The following DPP10 variants were observed in gnomAD, a reference collection of about 807,000 sequenced individuals.
DPP10 encodes the protein inactive dipeptidyl peptidase 10.
A neutral mutation model predicts 120.9 loss-of-function variants in DPP10; 33 were observed. The observed-to-expected ratio is 0.27, with a 90% confidence interval of 0.21 to 0.37. DPP10 has a LOEUF of 0.37. Among genes scored for constraint, DPP10 ranks in the 10% least tolerant of loss-of-function variants. DPP10 has a pLI of 1.00. For synonymous variants in DPP10, 337 were observed against 326.1 expected (o/e 1.03, Z -0.36); for missense variants, 816 against 942.8 (o/e 0.87, Z 1.76).
intron 1 of DPP10, among the ~76,000 whole-genome samples, chr2:115,028,671 A>G (rs1452117268): frequency 6.6e-6 from 1 of 151,940 alleles, no homozygotes; most frequent in African/African-American, 2.4e-5. Flanking sequence ...CCCTACTCTT[A>G]CTATACTGAA....
rs369476235 is a variant in DPP10 at position 114,442,796 on chromosome 2, C to T, written c.18C>T (p.Ser6=). 3.1e-6 allele frequency: 5 copies of T among 1,613,390 alleles called. No homozygotes were observed. The highest frequency in any genetic ancestry group is 4.2e-6 in the Non-Finnish European group (5 of 1,179,500). The change falls in exon 1 of 26, where the codon AGC becomes AGT. Residue 6 remains serine, a synonymous_variant. Coordinates refer to ENST00000410059, the MANE Select transcript of DPP10 (RefSeq NM_020868.6). MNQTA[S]VSHHIKCQPS... ...CCTGAAACATGAACCAAACTGCCAG[C>T]GTGTCCCATCACATCAAGTGTCAAC... is the stretch of plus-strand genomic sequence containing the variant.
chr2:114,830,093 G>A (rs770238858), intron 1 of DPP10, among the ~76,000 whole-genome samples: 1 of 152,018 alleles, frequency 6.6e-6, no homozygotes, highest in Non-Finnish European at 1.5e-5. Flanking sequence ...ACCCTAAGTA[G>A]GTAGGTCTCT....
chr2:115,728,439 T>A (rs1443124490), intron 8 of DPP10, among the ~76,000 whole-genome samples: 1 of 152,106 alleles, frequency 6.6e-6, no homozygotes, highest in Non-Finnish European at 1.5e-5. Flanking sequence ...CAAGTTTTAG[T>A]AATAGCTGAG....
chr2:115,170,761 T>A (rs2053259184), intron 1 of DPP10, among the ~76,000 whole-genome samples: 1 of 152,180 alleles, frequency 6.6e-6, no homozygotes. Context: ...GTGATAGGCA[T>A]GTGTGAATTG....
At chr2:114,443,529 C>A (rs1265975307) in intron 1 of DPP10, among the ~76,000 whole-genome samples, 11 of 151,972 alleles carry the variant, frequency 7.2e-5, no homozygotes, top group Admixed American at 6.6e-4. Context: ...ATGCTTATAC[C>A]ATTCTCTTTG....
chr2:115,586,717 A>G (rs896859699), intron 5 of DPP10, among the ~76,000 whole-genome samples: 12 of 152,072 alleles, frequency 7.9e-5, no homozygotes, highest in African/African-American at 2.7e-4. Flanking sequence ...CTTGTTTGCC[A>G]ATCCTATTAT....
chr2:115,472,063 A>G (rs1712001), intron 3 of DPP10, among the ~76,000 whole-genome samples: 144,271 of 152,210 alleles, frequency 0.95, 68,495 homozygotes, highest in East Asian at 1. Flanking sequence ...AAATAAAAAA[A>G]CATTCCTTGA....
intron 1 of DPP10, among the ~76,000 whole-genome samples, chr2:114,822,666 C>A (rs184096076): frequency 5.3e-5 from 8 of 151,714 alleles, no homozygotes; most frequent in East Asian, 1.9e-4. Context: ...TGTGCAAGTT[C>A]GTTACATATG....
chr2:115,229,110 G>T (rs1053591907), intron 1 of DPP10, among the ~76,000 whole-genome samples: 1 of 152,054 alleles, frequency 6.6e-6, no homozygotes. Flanking sequence ...GCTTTGATTT[G>T]CATATCTCTG....
At chr2:115,485,750 A>C (rs934324669) in intron 3 of DPP10, among the ~76,000 whole-genome samples, 1 of 152,160 alleles carries the variant, frequency 6.6e-6, no homozygotes, top group African/African-American at 2.4e-5. Flanking sequence ...TCCAGACAAC[A>C]AAATTCTTCA....
Position 114,816,824 on chromosome 2 carries a change from G to C in DPP10, c.60+373986G>C, listed in dbSNP as rs190841515. Reference sequence around the variant, plus strand: ...TGATAGGAAGGCAAGAACGCTTGGGGGTAGTCAGAGGCACAGGAAGATCAG... The same window carrying C: ...TGATAGGAAGGCAAGAACGCTTGGGCGTAGTCAGAGGCACAGGAAGATCAG... On this transcript the variant is annotated intron_variant, in intron 1 of 25. Transcript: ENST00000410059. Among the ~76,000 whole-genome samples the C allele has an allele frequency of 2.6e-5, 4 of 152,276 alleles. No homozygotes were observed. The East Asian group carries it at 7.7e-4, about 29-fold the overall frequency.
At chr2:115,286,477 TGTA>T (rs1276893751) in intron 1 of DPP10, among the ~76,000 whole-genome samples, 6 of 91,670 alleles carry the variant, frequency 6.5e-5, no homozygotes, top group African/African-American at 2.3e-4. Context: ...AATATATATA[TGTA>T]ATATATATAT....
intron 1 of DPP10, among the ~76,000 whole-genome samples, chr2:114,929,893 AT>A (rs1203881870): frequency 1.3e-5 from 2 of 152,242 alleles, no homozygotes; most frequent in Non-Finnish European, 2.9e-5. Context: ...ATAAGAAATT[AT>A]AAAAATATTA....
At chr2:114,944,312 C>A (rs1343893657) in intron 1 of DPP10, among the ~76,000 whole-genome samples, 2 of 152,002 alleles carry the variant, frequency 1.3e-5, no homozygotes, top group African/African-American at 2.4e-5. Flanking sequence ...ATTCCAAATC[C>A]ATTTCAACCT....
At chr2:115,070,336 T>G (rs1483922263) in intron 1 of DPP10, among the ~76,000 whole-genome samples, 1 of 151,770 alleles carries the variant, frequency 6.6e-6, no homozygotes, top group East Asian at 1.9e-4. Flanking sequence ...AATTTTTAAA[T>G]AAAACTAAAA....
At chr2:115,275,658 A>ATTCTTCAG (rs999791792) in intron 1 of DPP10, among the ~76,000 whole-genome samples, 1 of 150,318 alleles carries the variant, frequency 6.7e-6, no homozygotes, top group African/African-American at 2.4e-5. Context: ...CATGGGAACA[A>ATTCTTCAG]TTCTTCAGTT....
At chr2:115,452,335 T>G (rs1357653210) in intron 3 of DPP10, among the ~76,000 whole-genome samples, 1 of 151,844 alleles carries the variant, frequency 6.6e-6, no homozygotes, top group Non-Finnish European at 1.5e-5. Flanking sequence ...TGCCCCCATA[T>G]CTAGGCCTTC....
chr2:115,812,437 G>A (rs1169720492), intron 19 of DPP10, among the ~76,000 whole-genome samples: 6 of 152,108 alleles, frequency 3.9e-5, no homozygotes, highest in Non-Finnish European at 5.9e-5. Flanking sequence ...TAAACAAGCT[G>A]TATCAGGATC....
At chr2:114,508,707 C>T (rs998072284) in intron 1 of DPP10, among the ~76,000 whole-genome samples, 1 of 151,982 alleles carries the variant, frequency 6.6e-6, no homozygotes, top group African/African-American at 2.4e-5. Context: ...ATAAAGCCGA[C>T]TTTCATTTAT....
Sources: allele counts gnomAD v4.1 joint callset (sites outside exome capture counted in the v4.1 genomes callset), GRCh38; gene constraint gnomAD v4.1.1; transcripts MANE v1.5; gene names NCBI Gene and HGNC (gene_info 2026-07-23, HGNC 2026-07-21).